ME1: variants seen among roughly 807,000 people sequenced by gnomAD.
The protein encoded by ME1 is malic enzyme 1, also known as NADP-dependent malic enzyme.
ME1 carries 74 observed loss-of-function variants against 66.4 expected under a neutral mutation model. That is an observed-to-expected ratio of 1.11 (90% CI 0.92 to 1.35). The LOEUF (loss-of-function observed/expected upper bound fraction) is 1.35, where lower values mean the gene tolerates loss of function less well. Ranked by LOEUF, ME1 falls within the 40% of genes most tolerant of loss-of-function variation. The probability of loss-of-function intolerance (pLI) is 0.00; values close to 1 mark genes in which losing one functional copy is unlikely to be tolerated. For missense variants in ME1, 750 were observed against 694.1 expected, an observed-to-expected ratio of 1.08 and a Z score of -0.90; for synonymous variants, 251 against 235.6, an observed-to-expected ratio of 1.07 and a Z score of -0.60.
chr6:83,425,325 G>C (rs1039436780), intron 1 of ME1, among the ~76,000 whole-genome samples: 2 of 151,982 alleles, frequency 1.3e-5, no homozygotes, highest in African/African-American at 4.8e-5. Flanking sequence ...TACTAACATT[G>C]GTATGAATAC....
In ME1 at chr6:83,239,568, G is replaced by C; in HGVS notation, c.883C>G (p.Gln295Glu). The C allele has an allele frequency of 6.2e-7, 1 of 1,613,140 alleles. No individual in the cohort carries two copies. Residue 295 changes from glutamine to glutamate, a missense_variant, in exon 8 of 14, where the codon CAA (glutamine) becomes GAA (glutamate). Physicochemically the swap from Gln to Glu is conservative, Grantham distance 29. Transcript: ENST00000369705. ...CCAGCTCCTTGGAATAGTATTGTTT[G>C]ATCAGACAGTTTGTTCTTGGTTATT... The part of the protein sequence containing the change: ...LRITKNKLSD[Q>E]TILFQGAGEA...
intron 6 of ME1, among the ~76,000 whole-genome samples, chr6:83,275,816 A>C (rs1182485575): frequency 2.8e-5 from 3 of 109,062 alleles, no homozygotes; most frequent in Non-Finnish European, 5.0e-5. Flanking sequence ...TCTGTCGCCC[A>C]GGCTGGAGTG....
chr6:83,261,301 G>A (rs1256503255), intron 6 of ME1, among the ~76,000 whole-genome samples: 3 of 151,676 alleles, frequency 2.0e-5, no homozygotes, highest in Non-Finnish European at 2.9e-5. Flanking sequence ...CTTTTTAATG[G>A]GGTTGTTTTT....
intron 5 of ME1, among the ~76,000 whole-genome samples, chr6:83,320,835 A>G (rs539148024): frequency 6.6e-6 from 1 of 152,216 alleles, no homozygotes; most frequent in Non-Finnish European, 1.5e-5. Context: ...AGTAAATCAG[A>G]AAGTTAAAAA....
intron 13 of ME1, 136 bp from the exon 14 acceptor site, chr6:83,212,230 C>A: frequency 2.0e-6 from 1 of 508,996 alleles, no homozygotes; most frequent in South Asian, 5.1e-5. Context: ...ATAATAAAAG[C>A]ACATATAAGC....
chr6:83,366,915 A>T (rs1164262576), intron 3 of ME1, among the ~76,000 whole-genome samples: 1 of 152,234 alleles, frequency 6.6e-6, no homozygotes, highest in Non-Finnish European at 1.5e-5. Flanking sequence ...AATCCTTTCC[A>T]GAAGGTTTTC....
At chr6:83,356,061 ACTT>A (rs1320843933) in intron 3 of ME1, among the ~76,000 whole-genome samples, 2 of 152,236 alleles carry the variant, frequency 1.3e-5, no homozygotes, top group African/African-American at 4.8e-5. Flanking sequence ...TAATATTCTT[ACTT>A]CTTCATGTTA....
At chr6:83,225,166 A>C (rs1790168536) in intron 11 of ME1, among the ~76,000 whole-genome samples, 1 of 136,098 alleles carries the variant, frequency 7.3e-6, no homozygotes, top group Non-Finnish European at 1.5e-5. Context: ...CGTGCCATTC[A>C]TTGCACTCCA....
chr6:83,411,673 C>A (rs1017312857), intron 1 of ME1, among the ~76,000 whole-genome samples: 9 of 152,102 alleles, frequency 5.9e-5, no homozygotes, highest in Admixed American at 6.5e-5. Context: ...GGATAATTAA[C>A]CCAAATTATA....
chr6:83,214,306 G>A (rs910232217), intron 13 of ME1, among the ~76,000 whole-genome samples: 1 of 152,108 alleles, frequency 6.6e-6, no homozygotes, highest in African/African-American at 2.4e-5. Context: ...TCTCTGTCCT[G>A]TCAATGCCAA....
intron 6 of ME1, among the ~76,000 whole-genome samples, chr6:83,292,624 C>T (rs534643769): frequency 3.1e-4 from 47 of 152,320 alleles, no homozygotes; most frequent in Admixed American, 1.7e-3. Context: ...GGAGCCCAAA[C>T]GCCATGCTGG....
At chr6:83,358,805 C>T (rs1433817906) in intron 3 of ME1, among the ~76,000 whole-genome samples, 1 of 152,144 alleles carries the variant, frequency 6.6e-6, no homozygotes, top group Non-Finnish European at 1.5e-5. Context: ...AGGAGATAAA[C>T]CCTGCGCTAC....
At position 83,363,892 on chromosome 6, in the gene ME1, G is replaced by C. The variant is rs142797291; in HGVS notation, c.363-11753C>G. 4.8e-4 allele frequency among the ~76,000 whole-genome samples: 73 copies of C among 152,280 alleles called. 1 individual carries two copies. The East Asian group carries it at 0.014, about 29-fold the overall frequency. ...GGGATTGGTGCATTTCTAGTTGTAG[G>C]AAGGATAGTTGTATTATGTTAAGCA... On this transcript the variant is annotated intron_variant, in intron 3 of 13. Transcript: ENST00000369705.
At chr6:83,224,619 G>A (rs956437192) in intron 11 of ME1, among the ~76,000 whole-genome samples, 5 of 150,384 alleles carry the variant, frequency 3.3e-5, no homozygotes, top group African/African-American at 1.2e-4. Context: ...AGGAGGCAGA[G>A]GTTGCAGTGA....
Position 83,216,563 on chromosome 6 carries a change from C to A in ME1, c.1483G>T (p.Glu495Ter). 1 of 1,610,806 alleles carries A rather than the reference C, an allele frequency of 6.2e-7. No homozygotes were observed. Among genetic ancestry groups the A allele is most frequent in the South Asian group, 1.1e-5 (1 of 90,428 alleles). ...IAQQVSDKHL[E>*]EGRLYPPLNT... ...AAAGGAGGATAAAGCCGACCCTCTT[C>A]CAAGTGTTTATCTGACACTTGCTGA... is the stretch of plus-strand genomic sequence containing the variant. Residue 495 changes from glutamate (E) to a stop codon, truncating the protein, a stop_gained, in exon 13 of 14, where the codon GAA becomes TAA. Coordinates refer to ENST00000369705, the MANE Select transcript of ME1 (RefSeq NM_002395.6). LOFTEE classifies it high-confidence loss of function.
chr6:83,302,714 GGAA>G (rs1767749738), intron 6 of ME1, among the ~76,000 whole-genome samples: 1 of 152,134 alleles, frequency 6.6e-6, no homozygotes, highest in Non-Finnish European at 1.5e-5. Flanking sequence ...AAGCACTGGG[GGAA>G]GAAGGAGCAG....
intron 9 of ME1, among the ~76,000 whole-genome samples, chr6:83,237,163 C>T (rs1481762314): frequency 3.4e-5 from 5 of 148,476 alleles, no homozygotes; most frequent in Non-Finnish European, 5.9e-5. Context: ...TCACTGCACT[C>T]CAGCCTGAGT....
chr6:83,303,471 A>T (rs933684211), intron 6 of ME1, among the ~76,000 whole-genome samples: 2 of 152,132 alleles, frequency 1.3e-5, no homozygotes, highest in Admixed American at 6.6e-5. Context: ...GCTCTTTATG[A>T]AATAAACTTT....
At chr6:83,303,577 C>A (rs1767769688) in intron 6 of ME1, among the ~76,000 whole-genome samples, 3 of 152,064 alleles carry the variant, frequency 2.0e-5, no homozygotes, top group Admixed American at 6.5e-5. Flanking sequence ...GAAGTTTATT[C>A]CTCTGGGTCA....
Sources: gnomAD v4.1 joint callset for allele counts (sites outside exome capture counted in the v4.1 genomes callset) on GRCh38, gnomAD v4.1.1 for gene constraint, MANE v1.5 for transcripts, NCBI Gene and HGNC (gene_info 2026-07-23, HGNC 2026-07-21) for gene names.